Variants in DCUN1D4 observed in about 807,000 individuals in gnomAD.
DCUN1D4 encodes DCN1-like protein 4.
Under a neutral mutation model 47.9 loss-of-function variants are expected in DCUN1D4, and 22 were observed. The ratio of observed to expected loss-of-function variants is 0.46; its 90% CI spans 0.33 to 0.66. The LOEUF (loss-of-function observed/expected upper bound fraction) is 0.66, where lower values mean the gene tolerates loss of function less well. Among genes scored for constraint, DCUN1D4 ranks in the 30% least tolerant of loss-of-function variants. The pLI, the probability that DCUN1D4 is intolerant of heterozygous loss-of-function variation, is 0.02. For synonymous variants in DCUN1D4, 121 were observed against 112.2 expected (o/e 1.08, Z -0.50); for missense variants, 301 against 340.8 (o/e 0.88, Z 0.92).
At chr4:51,889,218 GT>G (rs1381135935) in intron 6 of DCUN1D4, among the ~76,000 whole-genome samples, 1 of 152,174 alleles carries the variant, frequency 6.6e-6, no homozygotes, top group East Asian at 1.9e-4. Flanking sequence ...AAGAAAAAAT[GT>G]GCTAAATAAA....
upstream of DCUN1D4, among the ~76,000 whole-genome samples, chr4:51,841,917 G>C (rs1317360548): frequency 7.0e-6 from 1 of 143,064 alleles, no homozygotes; most frequent in Non-Finnish European, 1.5e-5. Flanking sequence ...AGGATATGGG[G>C]ATGCCTTGTA....
intron 1 of DCUN1D4, 185 bp downstream of exon 1, chr4:51,843,452 G>A (rs918849156): frequency 1.9e-4 from 233 of 1,251,998 alleles, no homozygotes; most frequent in Non-Finnish European, 2.3e-4. Flanking sequence ...TGGGGCGGGG[G>A]CGGGCGTGGG....
intron 8 of DCUN1D4, among the ~76,000 whole-genome samples, chr4:51,901,351 A>C (rs1017213602): frequency 3.3e-5 from 5 of 152,190 alleles, no homozygotes; most frequent in African/African-American, 1.2e-4. Flanking sequence ...CACGTTGTTC[A>C]TAGTAGATCC....
At chr4:51,836,370 G>A in the DCUN1D4 span, among the ~76,000 whole-genome samples, 1 of 152,166 alleles carries the variant, frequency 6.6e-6, no homozygotes, top group African/African-American at 2.4e-5. Context: ...GGGTTAGTTG[G>A]AAATAAATAT....
At chr4:51,868,636 A>G (rs780188935) in intron 3 of DCUN1D4, among the ~76,000 whole-genome samples, 17 of 152,192 alleles carry the variant, frequency 1.1e-4, no homozygotes, top group Non-Finnish European at 1.9e-4. Flanking sequence ...TTGGCCTAAC[A>G]GTAGTCTGGG....
At chr4:51,912,420 G>A (rs1733843265) in intron 9 of DCUN1D4, among the ~76,000 whole-genome samples, 1 of 152,086 alleles carries the variant, frequency 6.6e-6, no homozygotes, top group Non-Finnish European at 1.5e-5. Flanking sequence ...ACATTAGTTT[G>A]CATTTTTCTT....
chr4:51,871,069 T>C (rs372302877), intron 3 of DCUN1D4, among the ~76,000 whole-genome samples: 1 of 151,780 alleles, frequency 6.6e-6, no homozygotes, highest in South Asian at 2.1e-4. Context: ...TAGACACAGT[T>C]TCTTTGTGAA....
intron 5 of DCUN1D4, chr4:51,884,414 T>C (rs550972602): frequency 6.6e-6 from 1 of 151,490 alleles, no homozygotes; most frequent in South Asian, 2.1e-4. Flanking sequence ...CCTAGGCAAC[T>C]ACTGCAGTGC....
chr4:51,847,029 A>G (rs10018242), intron 1 of DCUN1D4, among the ~76,000 whole-genome samples: 3,206 of 152,230 alleles, frequency 0.021, 123 homozygotes, highest in African/African-American at 0.073. Context: ...GATTGAACTG[A>G]TCTCATGCCA....
chr4:51,836,066 C>T, the DCUN1D4 span, among the ~76,000 whole-genome samples: 1 of 152,112 alleles, frequency 6.6e-6, no homozygotes, highest in Admixed American at 6.5e-5. Flanking sequence ...CAACCAGACT[C>T]GGGAGGAAAG....
chr4:51,877,172 C>G (rs190408239), intron 4 of DCUN1D4, among the ~76,000 whole-genome samples: 9 of 152,320 alleles, frequency 5.9e-5, no homozygotes, highest in African/African-American at 1.9e-4. Context: ...CTCTATACTT[C>G]TGTCTCCTGA....
chr4:51,894,412 ATTTG>A (rs1207371653), intron 7 of DCUN1D4, among the ~76,000 whole-genome samples: 2 of 140,284 alleles, frequency 1.4e-5, no homozygotes, highest in African/African-American at 5.4e-5. Context: ...TAGATTAGTC[ATTTG>A]TTTGGCAAAT....
intron 3 of DCUN1D4, among the ~76,000 whole-genome samples, chr4:51,869,049 G>A (rs535517936): frequency 1.0e-3 from 156 of 151,312 alleles, no homozygotes; most frequent in African/African-American, 3.6e-3. Context: ...ATCTGGACCC[G>A]GGGGGCCGAG....
chr4:51,880,924 C>T (rs547986436), intron 5 of DCUN1D4, among the ~76,000 whole-genome samples: 3 of 152,018 alleles, frequency 2.0e-5, no homozygotes, highest in Admixed American at 6.5e-5. Context: ...ATCAGGAGAT[C>T]GAGACTATCC....
intron 1 of DCUN1D4, among the ~76,000 whole-genome samples, chr4:51,854,689 A>G (rs1401607013): frequency 6.6e-6 from 1 of 152,228 alleles, no homozygotes; most frequent in Non-Finnish European, 1.5e-5. Context: ...CTGTCATTGC[A>G]GTCTTTGAGG....
intron 8 of DCUN1D4, chr4:51,905,095 C>T (rs901753701): frequency 5.4e-5 from 22 of 403,710 alleles, no homozygotes; most frequent in African/African-American, 3.9e-4. Flanking sequence ...TTCTTTCTTC[C>T]CCTTTGAACC....
chr4:51,880,064 T>C (rs990124447), intron 5 of DCUN1D4, among the ~76,000 whole-genome samples: 9 of 152,252 alleles, frequency 5.9e-5, no homozygotes, highest in Non-Finnish European at 2.9e-5. Flanking sequence ...CCCCTTCTTT[T>C]TCCCCCTTTT....
At chr4:51,843,295 C>T (rs1278926976) in intron 1 of DCUN1D4, 28 bp downstream of exon 1, 2 of 1,513,448 alleles carry the variant, frequency 1.3e-6, no homozygotes, top group Non-Finnish European at 1.8e-6. Flanking sequence ...AGCCAGCGGG[C>T]CGGGGCCGGG....
At position 51,913,308 on chromosome 4, in the gene DCUN1D4, A is replaced by G. The variant is rs1208444203; in HGVS notation, c.739A>G (p.Ile247Val). The G allele has an allele frequency of 1.2e-6, 2 of 1,608,250 alleles. No homozygotes were observed. The highest frequency in any genetic ancestry group is 2.7e-5 in the African/African-American group (2 of 74,752). ...QFLEQSKYKVINKDQWCNVLE... is the reference protein window; with the variant it reads ...QFLEQSKYKVVNKDQWCNVLE... The stretch of plus-strand genomic sequence containing the variant: ...CCATCAGCAATCAAAATACAAAGTT[A>G]TTAATAAAGACCAGTGGTGCAATGT... The change falls in exon 10 of 11, where the codon ATT becomes GTT. Residue 247 changes from isoleucine to valine, a missense_variant. Ile to Val is a conservative substitution (Grantham distance 29). Transcript: ENST00000334635.
Sources: gnomAD v4.1 joint callset for allele counts (sites outside exome capture counted in the v4.1 genomes callset) on GRCh38, gnomAD v4.1.1 for gene constraint, MANE v1.5 for transcripts, NCBI Gene and HGNC (gene_info 2026-07-23, HGNC 2026-07-21) for gene names.